Variants in BCL11A observed in about 807,000 individuals in gnomAD.
BCL11A encodes B cell CLL/lymphoma 11A.
Under a neutral mutation model 55.9 loss-of-function variants are expected in BCL11A, and 2 were observed. The observed-to-expected ratio is 0.04, with a 90% confidence interval of 0.01 to 0.11. The LOEUF is 0.11. Ranked by LOEUF, BCL11A falls within the 10% of genes least tolerant of loss-of-function variation. The pLI, the probability that BCL11A is intolerant of heterozygous loss-of-function variation, is 1.00. For synonymous variants in BCL11A, 465 were observed against 473.4 expected (o/e 0.98, Z 0.23); for missense variants, 817 against 1,137.1 (o/e 0.72, Z 4.05).
intron 2 of BCL11A, among the ~76,000 whole-genome samples, chr2:60,488,081 G>A (rs890249518): frequency 1.3e-5 from 2 of 152,212 alleles, no homozygotes; most frequent in Non-Finnish European, 2.9e-5. Context: ...TAAAAACACA[G>A]TAACACTTAC....
At chr2:60,540,995 T>G (rs1017572316) in intron 2 of BCL11A, among the ~76,000 whole-genome samples, 2 of 148,042 alleles carry the variant, frequency 1.4e-5, no homozygotes, top group Non-Finnish European at 3.0e-5. Flanking sequence ...TGTGTGTGGT[T>G]ATTTTGTTTT....
At chr2:60,541,607 A>G (rs1304422371) in intron 2 of BCL11A, among the ~76,000 whole-genome samples, 5 of 152,254 alleles carry the variant, frequency 3.3e-5, no homozygotes, top group African/African-American at 1.2e-4. Context: ...TTTCATGAAC[A>G]TTAGTCTTTG....
chr2:60,521,948 G>GA (rs1287879108), intron 2 of BCL11A: 1 of 152,204 alleles, frequency 6.6e-6, no homozygotes, highest in African/African-American at 2.4e-5. Flanking sequence ...ACCCTTAAAT[G>GA]ACCCCTTCAC....
At chr2:60,548,942 T>C (rs1670271323) in intron 1 of BCL11A, among the ~76,000 whole-genome samples, 1 of 152,202 alleles carries the variant, frequency 6.6e-6, no homozygotes, top group Non-Finnish European at 1.5e-5. Flanking sequence ...CAAATTCCCC[T>C]TTCCCTAAAA....
At chr2:60,545,810 C>T (rs929589205) in intron 2 of BCL11A, 161 bp downstream of exon 2, 15 of 658,934 alleles carry the variant, frequency 2.3e-5, no homozygotes, top group African/African-American at 1.1e-4. Flanking sequence ...GTGTTCTGGA[C>T]GTAAGCAACA....
At position 60,461,030 on chromosome 2, in the gene BCL11A, A is replaced by T; in HGVS notation, c.1882T>A (p.Ser628Thr). ...ATGCGCTTAGAGAAGGGGCTCAGCG[A>T]GCTGGGGCTGCCCAGCAGCAGCTTT... ...SKKLLLGSPS[S>T]LSPFSKRIKL... Residue 628 changes from serine (S) to threonine (T), a missense_variant, in exon 4 of 4, where the codon TCG becomes ACG. Ser to Thr is a moderately conservative substitution (Grantham distance 58). This residue lies in a region of BCL11A where 379 missense variants were observed against 425.3 expected (regional missense o/e 0.89). Transcript: ENST00000642384. The T allele has an allele frequency of 1.9e-6, 3 of 1,607,776 alleles. No homozygotes were observed. The highest frequency in any genetic ancestry group is 2.5e-6 in the Non-Finnish European group (3 of 1,176,482).
At chr2:60,499,504 A>T (rs118090652) in intron 2 of BCL11A, among the ~76,000 whole-genome samples, 2 of 152,282 alleles carry the variant, frequency 1.3e-5, no homozygotes, top group East Asian at 3.9e-4. Flanking sequence ...GTCCGGGGCC[A>T]CCTAGCCAGC....
At chr2:60,510,807 T>C (rs1166151423) in intron 2 of BCL11A, among the ~76,000 whole-genome samples, 1 of 152,262 alleles carries the variant, frequency 6.6e-6, no homozygotes, top group Non-Finnish European at 1.5e-5. Context: ...ACTTTAGCTT[T>C]GGATCTTGGG....
At chr2:60,492,034 TGCTACATTGTTAGCATCTCC>T (rs1573001245) in intron 2 of BCL11A, among the ~76,000 whole-genome samples, 2 of 152,200 alleles carry the variant, frequency 1.3e-5, no homozygotes, top group Admixed American at 1.3e-4. Flanking sequence ...GCACAGGAGA[TGCTACATTGTTAGCATCTCC>T]GCTTAAGGAG....
chr2:60,498,459 G>A (rs1265664042), intron 2 of BCL11A, among the ~76,000 whole-genome samples: 6 of 152,196 alleles, frequency 3.9e-5, no homozygotes, highest in African/African-American at 1.4e-4. Flanking sequence ...CCCTGAGAAG[G>A]TGGGGAGCTC....
intron 2 of BCL11A, among the ~76,000 whole-genome samples, chr2:60,491,014 C>T (rs1023841252): frequency 2.0e-5 from 3 of 151,754 alleles, no homozygotes; most frequent in Non-Finnish European, 4.4e-5. Flanking sequence ...CCTCTTTAAA[C>T]AGCCACCCCA....
At chr2:60,463,390 A>T (rs1676427741) in intron 3 of BCL11A, among the ~76,000 whole-genome samples, 1 of 152,214 alleles carries the variant, frequency 6.6e-6, no homozygotes, top group Non-Finnish European at 1.5e-5. Context: ...CCTCCTCCTC[A>T]TTGTTTTGAG....
Position 60,514,358 on chromosome 2 carries a change from T to C in BCL11A, c.385+31613A>G, listed in dbSNP as rs375585826. 2.6e-5 allele frequency among the ~76,000 whole-genome samples: 4 copies of C among 152,280 alleles called. No individual in the cohort carries two copies. The East Asian group carries it at 5.8e-4, about 22-fold the overall frequency. ...CCCAAGACTTGGAGAACAAGCCATC[T>C]GAAAATAGAATTAAATAGCCAGGTG... On this transcript the variant is annotated intron_variant, in intron 2 of 3. Coordinates refer to ENST00000642384, the MANE Select transcript of BCL11A (RefSeq NM_022893.4).
intron 2 of BCL11A, among the ~76,000 whole-genome samples, chr2:60,532,576 A>C (rs1426942592): frequency 6.6e-6 from 1 of 152,120 alleles, no homozygotes; most frequent in African/African-American, 2.4e-5. Context: ...AAAAAGAAAA[A>C]AAAGGAAAGA....
chr2:60,477,385 T>C (rs1677669655), intron 2 of BCL11A, among the ~76,000 whole-genome samples: 1 of 152,210 alleles, frequency 6.6e-6, no homozygotes, highest in Non-Finnish European at 1.5e-5. Context: ...ATGTGCTTTA[T>C]GCCTCTATAT....
intron 2 of BCL11A, among the ~76,000 whole-genome samples, chr2:60,479,574 C>T (rs1029815406): frequency 2.6e-5 from 4 of 152,246 alleles, no homozygotes; most frequent in Admixed American, 2.6e-4. Flanking sequence ...CACCGGCCCA[C>T]AGATCTCAGC....
chr2:60,491,695 A>AG (rs1312476276), intron 2 of BCL11A, among the ~76,000 whole-genome samples: 2 of 151,318 alleles, frequency 1.3e-5, no homozygotes, highest in African/African-American at 4.9e-5. Context: ...AAAAGAAAAA[A>AG]AAAAAAAAGA....
At position 60,458,280 on chromosome 2, in the gene BCL11A, T is replaced by G; in HGVS notation, c.*2124A>C. 9.7e-7 allele frequency: 1 copy of G among 1,027,088 alleles called. No homozygotes were observed. The highest frequency in any genetic ancestry group is 1.7e-5 in the African/African-American group (1 of 59,030). 63.6% of individuals were successfully genotyped at this position (1,027,088 alleles called of 1,614,324 possible). A position where few individuals can be genotyped will look rare whatever the true frequency, so the allele number is the denominator to read the frequency against. The stretch of plus-strand genomic sequence containing the variant: ...AAACCTTTCCCCAATGTATGTTTTT[T>G]TTTTTTACAACCTGAAGAGCGGTGT... On this transcript the variant is annotated 3_prime_UTR_variant, in exon 4 of 4. Transcript: ENST00000642384.
At chr2:60,500,541 A>G (rs1231658951) in intron 2 of BCL11A, among the ~76,000 whole-genome samples, 1 of 152,154 alleles carries the variant, frequency 6.6e-6, no homozygotes, top group African/African-American at 2.4e-5. Context: ...AGAAGAATGG[A>G]AGGGACTACG....
Sources: allele counts gnomAD v4.1 joint callset (sites outside exome capture counted in the v4.1 genomes callset), GRCh38; gene constraint gnomAD v4.1.1; regional missense constraint gnomAD v4.1.1; transcripts MANE v1.5; gene names NCBI Gene and HGNC (gene_info 2026-07-23, HGNC 2026-07-21).